The following KCNU1 variants were observed in gnomAD, a reference collection of about 807,000 sequenced individuals.
KCNU1 encodes the protein potassium channel subfamily U member 1.
In KCNU1, 93 loss-of-function variants were observed where a neutral mutation model predicts 126.8. The ratio of observed to expected loss-of-function variants is 0.73; its 90% CI spans 0.62 to 0.87. The LOEUF (loss-of-function observed/expected upper bound fraction) is 0.87, where lower values mean the gene tolerates loss of function less well. Among genes scored for constraint, KCNU1 ranks in the 40% least tolerant of loss-of-function variants. The pLI is 0.00. For missense variants in KCNU1, 1,330 were observed against 1,367.1 expected (o/e 0.97, Z 0.43); for synonymous variants, 523 against 494.2 (o/e 1.06, Z -0.77).
intron 19 of KCNU1, among the ~76,000 whole-genome samples, chr8:36,874,119 C>G (rs2117374016): frequency 6.6e-6 from 1 of 152,140 alleles, no homozygotes; most frequent in East Asian, 1.9e-4. Context: ...AGATATTTTA[C>G]TTATTTCACT....
At chr8:36,916,272 G>T (rs1265825832) in intron 22 of KCNU1, among the ~76,000 whole-genome samples, 2 of 139,840 alleles carry the variant, frequency 1.4e-5, no homozygotes, top group African/African-American at 5.4e-5. Context: ...AGGAAAGGAA[G>T]GAAGGAAGGA....
chr8:36,838,676 G>A (rs191466619), intron 14 of KCNU1, among the ~76,000 whole-genome samples: 221 of 152,150 alleles, frequency 1.5e-3, no homozygotes, highest in African/African-American at 4.9e-3. Context: ...CAGCCTCAGC[G>A]ACAGAGTGAG....
intron 2 of KCNU1, among the ~76,000 whole-genome samples, chr8:36,801,517 T>C (rs1483992685): frequency 6.6e-6 from 1 of 152,064 alleles, no homozygotes; most frequent in African/African-American, 2.4e-5. Context: ...ATATATGCCA[T>C]CATCTTTCCA....
chr8:36,914,622 G>A (rs947958217), intron 22 of KCNU1, among the ~76,000 whole-genome samples: 14 of 152,190 alleles, frequency 9.2e-5, no homozygotes, highest in Non-Finnish European at 1.9e-4. Flanking sequence ...GCAGCAGAGT[G>A]AGGAATCTCT....
At chr8:36,817,590 G>A in intron 9 of KCNU1, 60 bp from the exon 10 acceptor site, 1 of 786,854 alleles carries the variant, frequency 1.3e-6, no homozygotes, top group African/African-American at 1.7e-5. Flanking sequence ...ATCTCTAAAT[G>A]CTGACAGGAA....
chr8:36,806,838 C>T (rs912037679), intron 5 of KCNU1, among the ~76,000 whole-genome samples: 4 of 152,110 alleles, frequency 2.6e-5, no homozygotes, highest in Non-Finnish European at 5.9e-5. Context: ...TTATCAGTTT[C>T]GTGTAATTTT....
intron 5 of KCNU1, among the ~76,000 whole-genome samples, 163 bp from the exon 6 acceptor site, chr8:36,807,212 T>C (rs1161110593): frequency 6.6e-6 from 1 of 152,182 alleles, no homozygotes; most frequent in Admixed American, 6.5e-5. Flanking sequence ...TCAGGGCTAG[T>C]ATTTGAACTA....
intron 10 of KCNU1, among the ~76,000 whole-genome samples, chr8:36,824,308 T>C (rs78331043): frequency 0.012 from 1,843 of 152,364 alleles, 20 homozygotes; most frequent in Non-Finnish European, 0.021. Context: ...AGTCGTGTTC[T>C]AAAACTTAGT....
intron 19 of KCNU1, among the ~76,000 whole-genome samples, chr8:36,864,921 C>A (rs1805853088): frequency 6.6e-6 from 1 of 151,996 alleles, no homozygotes; most frequent in Admixed American, 6.6e-5. Flanking sequence ...GCAACAAATC[C>A]CTCCTCCCTG....
At chr8:36,820,051 A>T (rs1300502929) in intron 10 of KCNU1, among the ~76,000 whole-genome samples, 1 of 152,164 alleles carries the variant, frequency 6.6e-6, no homozygotes, top group Non-Finnish European at 1.5e-5. Flanking sequence ...GTCAGCTGTC[A>T]GCTACTCTAG....
At chr8:36,790,403 G>A (rs1233699661) in intron 2 of KCNU1, among the ~76,000 whole-genome samples, 1 of 150,162 alleles carries the variant, frequency 6.7e-6, no homozygotes, top group Non-Finnish European at 1.5e-5. Context: ...AAGATAGTTA[G>A]AAATTAATGA....
At chr8:36,806,672 G>A (rs538390251) in intron 5 of KCNU1, among the ~76,000 whole-genome samples, 22 of 152,124 alleles carry the variant, frequency 1.4e-4, no homozygotes, top group Non-Finnish European at 3.2e-4. Context: ...CTTTATGCTG[G>A]GATCCCACAG....
intron 12 of KCNU1, among the ~76,000 whole-genome samples, chr8:36,835,677 G>C (rs575190828): frequency 1.4e-4 from 21 of 152,288 alleles, no homozygotes; most frequent in African/African-American, 5.1e-4. Context: ...GCTAGAGTCA[G>C]TGTTATTACA....
At chr8:36,899,754 C>A (rs2117482150) in intron 19 of KCNU1, among the ~76,000 whole-genome samples, 1 of 152,224 alleles carries the variant, frequency 6.6e-6, no homozygotes, top group South Asian at 2.1e-4. Context: ...TCAATAAACA[C>A]AGAGGTGTAG....
intron 19 of KCNU1, among the ~76,000 whole-genome samples, chr8:36,887,219 T>C (rs2117425945): frequency 6.6e-6 from 1 of 152,272 alleles, no homozygotes; most frequent in East Asian, 1.9e-4. Flanking sequence ...CTAAGAAATC[T>C]CCACACTGTT....
rs1228573688 is a variant in KCNU1, at chr8:36,850,716, G to GA, written c.1891+4820dup. ...AAGTGAGCCACCTGCCTCAATCTCC[G>GA]AAAGTGCTGGGATTACAGGCATGAG... is the stretch of plus-strand genomic sequence containing the variant. On this transcript the variant is annotated intron_variant, in intron 18 of 26. Transcript: ENST00000399881. Among the ~76,000 whole-genome samples the GA allele has an allele frequency of 2.5e-4, 38 of 152,084 alleles. 1 individual carries two copies. Among genetic ancestry groups the GA allele is most frequent in the Non-Finnish European group, 2.9e-5 (2 of 68,008 alleles).
At chr8:36,900,773 C>A (rs1405427800) in intron 19 of KCNU1, among the ~76,000 whole-genome samples, 2 of 152,058 alleles carry the variant, frequency 1.3e-5, no homozygotes, top group Non-Finnish European at 2.9e-5. Flanking sequence ...TTGGCTAGAA[C>A]TTGACTATTA....
chr8:36,901,070 G>GA (rs796730578), intron 19 of KCNU1, among the ~76,000 whole-genome samples: 2,656 of 148,124 alleles, frequency 0.018, 84 homozygotes, highest in African/African-American at 0.061. Flanking sequence ...GTCTACAAAA[G>GA]AAAAAAAAAA....
chr8:36,799,183 C>T (rs1364907743), intron 2 of KCNU1, among the ~76,000 whole-genome samples: 1 of 152,128 alleles, frequency 6.6e-6, no homozygotes, highest in Non-Finnish European at 1.5e-5. Flanking sequence ...GCTTTCCCTT[C>T]CCCATCCTGA....
Sources: gnomAD v4.1 joint callset for allele counts (sites outside exome capture counted in the v4.1 genomes callset) on GRCh38, gnomAD v4.1.1 for gene constraint, MANE v1.5 for transcripts, NCBI Gene and HGNC (gene_info 2026-07-23, HGNC 2026-07-21) for gene names.